The following COL5A1 variants were observed in gnomAD, a reference collection of about 807,000 sequenced individuals.
The protein encoded by COL5A1 is collagen type V alpha 1 chain.
In COL5A1, 16 loss-of-function variants were observed where a neutral mutation model predicts 263.7. The observed-to-expected ratio is 0.06, with a 90% confidence interval of 0.04 to 0.09. The LOEUF (loss-of-function observed/expected upper bound fraction) is 0.09. Ranked by LOEUF, COL5A1 falls within the 10% of genes least tolerant of loss-of-function variation. The pLI, the probability that COL5A1 is intolerant of heterozygous loss-of-function variation, is 1.00. For synonymous variants in COL5A1, 1,012 were observed against 1,004.5 expected, an observed-to-expected ratio of 1.01 and a Z score of -0.14; for missense variants, 2,036 against 2,540.5, an observed-to-expected ratio of 0.80 and a Z score of 4.27.
intron 65 of COL5A1, among the ~76,000 whole-genome samples, chr9:134,836,350 A>G (rs1162154696): frequency 6.6e-6 from 1 of 152,166 alleles, no homozygotes; most frequent in African/African-American, 2.4e-5. Flanking sequence ...GGGAACTAGT[A>G]GAGTGAGAAC....
intron 9 of COL5A1, among the ~76,000 whole-genome samples, chr9:134,733,274 G>T: frequency 6.6e-6 from 1 of 152,220 alleles, no homozygotes; most frequent in Non-Finnish European, 1.5e-5. Flanking sequence ...GCACTTAGCA[G>T]GCCTTTATAC....
At chr9:134,738,636 G>A in intron 10 of COL5A1, 110 bp from the exon 11 acceptor site, 1 of 1,536,286 alleles carries the variant, frequency 6.5e-7, no homozygotes. Context: ...CAGATCCCCT[G>A]GGAGCCGGCG....
chr9:134,813,389 A>G (rs976923331), intron 48 of COL5A1, among the ~76,000 whole-genome samples: 1 of 152,182 alleles, frequency 6.6e-6, no homozygotes, highest in African/African-American at 2.4e-5. Flanking sequence ...TTTCTTTCTG[A>G]CATCAATCAG....
chr9:134,649,099 TG>T (rs537009308), intron 1 of COL5A1, among the ~76,000 whole-genome samples: 4 of 123,172 alleles, frequency 3.2e-5, no homozygotes, highest in Non-Finnish European at 5.1e-5. Context: ...GGGCGGGGTG[TG>T]GGGGGGGCTT....
At chr9:134,685,428 AT>A (rs1564386418) in intron 1 of COL5A1, among the ~76,000 whole-genome samples, 59 of 3,276 alleles carry the variant, frequency 0.018, no homozygotes, top group African/African-American at 0.026. Flanking sequence ...CCATCCATCC[AT>A]CCATCCATCC....
intron 11 of COL5A1, among the ~76,000 whole-genome samples, chr9:134,745,875 C>T (rs1192069004): frequency 6.6e-6 from 1 of 152,202 alleles, no homozygotes; most frequent in African/African-American, 2.4e-5. Context: ...CTGGTGGCCA[C>T]TGGCCGTCCT....
In COL5A1 at chr9:134,655,285, C is replaced by T. The variant is rs541842880; in HGVS notation, c.109+12989C>T. Among the ~76,000 whole-genome samples the T allele has an allele frequency of 4.3e-4, 66 of 151,968 alleles. 1 individual carries two copies. In the South Asian group the frequency reaches 0.013, roughly 31 times the overall value. ...GCCTGCACTTTTCTGTTTTGTGCAT[C>T]GATGTGGGAGGCAGGGTGAGTCCCC... On this transcript the variant is annotated intron_variant, in intron 1 of 65. Coordinates refer to ENST00000371817, the MANE Select transcript of COL5A1 (RefSeq NM_000093.5).
chr9:134,687,503 A>G lies in COL5A1; in HGVS notation c.110-3409A>G, dbSNP rs535511154. On this transcript the variant is annotated intron_variant, in intron 1 of 65. Coordinates refer to ENST00000371817, the MANE Select transcript of COL5A1 (RefSeq NM_000093.5). Reference sequence around the variant, plus strand: ...CCATCCATCCATCCATCCATCCACCATGTGATGGACTGACCCCATAGGTGA... The same window carrying G: ...CCATCCATCCATCCATCCATCCACCGTGTGATGGACTGACCCCATAGGTGA... 2.0e-5 allele frequency among the ~76,000 whole-genome samples: 3 copies of G among 151,946 alleles called. No individual in the cohort carries two copies. In the South Asian group the frequency reaches 6.2e-4, roughly 32 times the overall value.
At chr9:134,702,497 G>A (rs1016186255) in intron 4 of COL5A1, among the ~76,000 whole-genome samples, 1 of 152,122 alleles carries the variant, frequency 6.6e-6, no homozygotes, top group Admixed American at 6.5e-5. Context: ...GTGACTCGGG[G>A]TCACCAAACC....
At chr9:134,808,959 T>A (rs1198128358) in intron 42 of COL5A1, 1 of 596,692 alleles carries the variant, frequency 1.7e-6, no homozygotes, top group African/African-American at 1.9e-5. Flanking sequence ...TTTCCTAGGA[T>A]GAGTGTGGAT....
At chr9:134,780,346 G>A (rs573983003) in intron 28 of COL5A1, among the ~76,000 whole-genome samples, 200 bp downstream of exon 28, 5 of 152,240 alleles carry the variant, frequency 3.3e-5, no homozygotes, top group South Asian at 2.1e-4. Context: ...ATAGGCCCTC[G>A]GGTCCCCAGG....
chr9:134,727,528 A>T, intron 5 of COL5A1, 131 bp downstream of exon 5: 1 of 1,002,614 alleles, frequency 1.0e-6, no homozygotes, highest in South Asian at 1.4e-5. Flanking sequence ...GGGACCTAGG[A>T]GGTAAACATT....
intron 65 of COL5A1, among the ~76,000 whole-genome samples, chr9:134,838,360 G>A (rs866378766): frequency 2.0e-5 from 3 of 152,228 alleles, no homozygotes; most frequent in East Asian, 1.9e-4. Context: ...TGAAGGGAGC[G>A]CAGAGGGTTC....
At chr9:134,667,364 C>T (rs1270296235) in intron 1 of COL5A1, among the ~76,000 whole-genome samples, 1 of 152,220 alleles carries the variant, frequency 6.6e-6, no homozygotes, top group South Asian at 2.1e-4. Flanking sequence ...CGCTGACCAC[C>T]AGGGCCTTCT....
At chr9:134,767,079 C>T (rs1299769395) in intron 23 of COL5A1, 26 bp downstream of exon 23, 21 of 1,610,556 alleles carry the variant, frequency 1.3e-5, no homozygotes, top group African/African-American at 2.7e-5. Context: ...AGAGGCAGCT[C>T]GCAGGGATCC....
intron 58 of COL5A1, among the ~76,000 whole-genome samples, chr9:134,820,601 C>T (rs4841936): frequency 0.4 from 61,152 of 151,944 alleles, 12,818 homozygotes; most frequent in African/African-American, 0.53. Flanking sequence ...TTTGCCAGAG[C>T]TGCGGGCAGA....
chr9:134,728,979 C>T (rs1359300517), intron 6 of COL5A1, among the ~76,000 whole-genome samples, 172 bp downstream of exon 6: 2 of 152,312 alleles, frequency 1.3e-5, no homozygotes, highest in East Asian at 1.9e-4. Context: ...TTTGCTGTCA[C>T]GGGGCGTATC....
chr9:134,782,622 G>C, intron 28 of COL5A1, 45 bp from the exon 29 acceptor site: 1 of 1,581,490 alleles, frequency 6.3e-7, no homozygotes, highest in Non-Finnish European at 8.7e-7. Flanking sequence ...CCAGGGAGGC[G>C]GGTCCTCTTG....
At chr9:134,657,981 G>C (rs982067388) in intron 1 of COL5A1, among the ~76,000 whole-genome samples, 1 of 151,966 alleles carries the variant, frequency 6.6e-6, no homozygotes, top group African/African-American at 2.4e-5. Context: ...CTTCACTGAC[G>C]AGGGATGGGC....
Sources: allele counts gnomAD v4.1 joint callset (sites outside exome capture counted in the v4.1 genomes callset), GRCh38; gene constraint gnomAD v4.1.1; transcripts MANE v1.5; gene names NCBI Gene and HGNC (gene_info 2026-07-23, HGNC 2026-07-21).